SNRPN: variants seen among roughly 807,000 people sequenced by gnomAD.
SNRPN encodes small nuclear ribonucleoprotein polypeptide N, also known as small nuclear ribonucleoprotein-associated protein N.
Under a neutral mutation model 25.2 loss-of-function variants are expected in SNRPN, and 7 were observed. The ratio of observed to expected loss-of-function variants is 0.28; its 90% CI spans 0.16 to 0.52. SNRPN has a LOEUF of 0.52. Among genes scored for constraint, SNRPN ranks in the 20% least tolerant of loss-of-function variants. The pLI, the probability that SNRPN is intolerant of heterozygous loss-of-function variation, is 0.96. For synonymous variants in SNRPN, 124 were observed against 110.6 expected, an observed-to-expected ratio of 1.12 and a Z score of -0.76; for missense variants, 196 against 322.5, an observed-to-expected ratio of 0.61 and a Z score of 3.00.
Position 24,962,207 on chromosome 15 carries a change from A to G in SNRPN, c.-297A>G, listed in dbSNP as rs376718476. ...GAAGGACTGCCTCACTGAGCAACCA[A>G]GAGTGAGTACAGACTGTGTTGGGAA... On this transcript the variant is annotated splice_region_variant and 5_prime_UTR_variant, in exon 2 of 10. Transcript: ENST00000390687. The G allele has an allele frequency of 5.0e-6, 8 of 1,613,054 alleles. No individual in the cohort carries two copies. The African/African-American group carries it at 9.3e-5, about 19-fold the overall frequency.
Position 24,974,345 on chromosome 15 carries a change from G to C in SNRPN, c.-109G>C. On this transcript the variant is annotated 5_prime_UTR_variant, in exon 4 of 10. Coordinates refer to ENST00000390687, the MANE Select transcript of SNRPN (RefSeq NM_003097.6). ...ACTCTTTGAAGCTTCTGCCCAGCTT[G>C]CATTGTTTCTAGGAGAACCTGCGTC... 2.1e-6 allele frequency: 2 copies of C among 974,538 alleles called. No homozygotes were observed. Among genetic ancestry groups the C allele is most frequent in the Non-Finnish European group, 3.3e-6 (2 of 598,328 alleles). 60.4% of individuals were successfully genotyped at this position (974,538 alleles called of 1,614,324 possible). A position where few individuals can be genotyped will look rare whatever the true frequency, so the allele number is the denominator to read the frequency against.
chr15:24,974,332 T>C lies in SNRPN; in HGVS notation c.-122T>C. 1.1e-6 allele frequency: 1 copy of C among 873,526 alleles called. No homozygotes were observed. The highest frequency in any genetic ancestry group is 2.0e-6 in the Non-Finnish European group (1 of 509,812). 54.1% of individuals were successfully genotyped at this position (873,526 alleles called of 1,614,324 possible). ...GCAGGCTCCATCTACTCTTTGAAGC[T>C]TCTGCCCAGCTTGCATTGTTTCTAG... On this transcript the variant is annotated 5_prime_UTR_variant, in exon 4 of 10. Coordinates refer to ENST00000390687, the MANE Select transcript of SNRPN (RefSeq NM_003097.6).
intron 2 of SNRPN, among the ~76,000 whole-genome samples, chr15:24,833,879 T>C (rs1373549127): frequency 6.6e-6 from 1 of 152,124 alleles, no homozygotes. Context: ...TCTTTCCTGG[T>C]TACTTGATGA....
Position 24,887,129 on chromosome 15 carries a change from C to T in SNRPN, c.-505+540C>T, listed in dbSNP as rs186455219. ...CCGGTCCTATAGAAATATATCCCCA[C>T]GAGCACACACTGAGGTCTTTTTTTT... On this transcript the variant is annotated intron_variant, in intron 2 of 11. Coordinates refer to the SNRPN transcript ENST00000400097. 3.8e-4 allele frequency among the ~76,000 whole-genome samples: 57 copies of T among 151,432 alleles called. No individual in the cohort carries two copies. The East Asian group carries it at 4.9e-3, about 13-fold the overall frequency.
chr15:24,861,640 T>G (rs2053991671), intron 1 of SNRPN, among the ~76,000 whole-genome samples: 1 of 152,200 alleles, frequency 6.6e-6, no homozygotes, highest in Admixed American at 6.5e-5. Flanking sequence ...CTTTGACATC[T>G]CTAGGTGATA....
rs139771024 is a variant in SNRPN at position 24,863,443 on chromosome 15, A to G, written c.-579+6727A>G. On this transcript the variant is annotated intron_variant, in intron 1 of 11. Transcript: ENST00000400097. ...TGCAGCCTTGTAGGCCACTGTCTCC[A>G]TGGACATACAGATTTGCACGCATCT... Among the ~76,000 whole-genome samples, 1,189 of 147,982 alleles carry G rather than the reference A, an allele frequency of 8.0e-3. 17 individuals carry two copies. Among genetic ancestry groups the G allele is most frequent in the Middle Eastern group, 0.018 (5 of 274 alleles).
intron 3 of SNRPN, among the ~76,000 whole-genome samples, chr15:24,928,185 A>G (rs2152785412): frequency 6.6e-6 from 1 of 152,280 alleles, no homozygotes; most frequent in South Asian, 2.1e-4. Flanking sequence ...TCCTCAAAAA[A>G]CTACAAATGG....
chr15:24,916,924 A>T (rs2059563685), intron 2 of SNRPN, among the ~76,000 whole-genome samples: 1 of 152,226 alleles, frequency 6.6e-6, no homozygotes, highest in Non-Finnish European at 1.5e-5. Flanking sequence ...TCCACAGCAT[A>T]GAAGCAGACT....
At chr15:24,884,664 T>C (rs901023909) in intron 1 of SNRPN, among the ~76,000 whole-genome samples, 1 of 152,224 alleles carries the variant, frequency 6.6e-6, no homozygotes, top group Non-Finnish European at 1.5e-5. Context: ...TAGTATTTCA[T>C]ATGGATAGGC....
At position 24,922,890 on chromosome 15, in the gene SNRPN, C is replaced by CTTTTTTTTTTTTTT. The variant is rs71412618; in HGVS notation, c.-391+2779_-391+2792dup. ...ATATCTATGCCACAGTAGGCAGATCCTTTTTTTTTTTTTTTTTTTTTTTTT... is the reference window on the plus strand; with the variant it reads ...ATATCTATGCCACAGTAGGCAGATCCTTTTTTTTTTTTTTTTTTTTTTTTTTTTTTTTTTTTTTT... On this transcript the variant is annotated intron_variant, in intron 3 of 11. Coordinates refer to the SNRPN transcript ENST00000400097. 1.8e-4 allele frequency among the ~76,000 whole-genome samples: 12 copies of CTTTTTTTTTTTTTT among 68,180 alleles called. 4 individuals carry two copies. Among genetic ancestry groups the CTTTTTTTTTTTTTT allele is most frequent in the Non-Finnish European group, 2.0e-4 (8 of 40,310 alleles). The allele number at this position is 68,180 out of a possible 152,430, so 44.7% of individuals were successfully genotyped here.
At chr15:24,948,230 C>T (rs1169772228) in intron 3 of SNRPN, among the ~76,000 whole-genome samples, 1 of 152,162 alleles carries the variant, frequency 6.6e-6, no homozygotes, top group Non-Finnish European at 1.5e-5. Flanking sequence ...TCTCCTGCCT[C>T]AGCCTCCTGA....
rs915899888 is a variant in SNRPN at position 24,866,289 on chromosome 15, A to T, written c.-579+9573A>T. Among the ~76,000 whole-genome samples, 4 of 152,258 alleles carry T rather than the reference A, an allele frequency of 2.6e-5. No homozygotes were observed. In the East Asian group the frequency reaches 7.7e-4, roughly 29 times the overall value. On this transcript the variant is annotated intron_variant, in intron 1 of 11. Coordinates refer to the SNRPN transcript ENST00000400097. Reference sequence around the variant, plus strand: ...AGATGTATGTACTATGTATAACATGAGGTTTGAATAATAATGTGCATTGTG... The same window carrying T: ...AGATGTATGTACTATGTATAACATGTGGTTTGAATAATAATGTGCATTGTG...
intron 3 of SNRPN, among the ~76,000 whole-genome samples, chr15:24,945,314 T>TCCTCTCCCCCTTTCCC (rs2061807276): frequency 9.2e-6 from 1 of 108,702 alleles, no homozygotes; most frequent in Non-Finnish European, 1.8e-5. Flanking sequence ...CCTCCTTTCC[T>TCCTCTCCCCCTTTCCC]CCTCTCCCCC....
At chr15:24,849,024 C>T (rs1482169268) in intron 2 of SNRPN, 2 of 152,210 alleles carry the variant, frequency 1.3e-5, no homozygotes, top group African/African-American at 2.4e-5. Context: ...CTGCCGCCGA[C>T]TCCCTGGTTC....
chr15:24,922,623 C>T (rs908466813), intron 3 of SNRPN, among the ~76,000 whole-genome samples: 1 of 152,150 alleles, frequency 6.6e-6, no homozygotes, highest in Non-Finnish European at 1.5e-5. Context: ...TACAGGAATA[C>T]ATCTTACGTA....
chr15:24,885,803 G>A (rs2057155448), intron 1 of SNRPN, among the ~76,000 whole-genome samples: 1 of 151,546 alleles, frequency 6.6e-6, no homozygotes, highest in Non-Finnish European at 1.5e-5. Flanking sequence ...CCCACGTGTT[G>A]CATGGCCATA....
At chr15:24,952,730 T>A (rs907010617), upstream of SNRPN, among the ~76,000 whole-genome samples, 2 of 152,168 alleles carry the variant, frequency 1.3e-5, no homozygotes, top group Non-Finnish European at 2.9e-5. Flanking sequence ...TGAATATAAT[T>A]TTATTTAATT....
chr15:24,947,067 A>G (rs1218417330), intron 3 of SNRPN, among the ~76,000 whole-genome samples: 1 of 152,142 alleles, frequency 6.6e-6, no homozygotes, highest in Non-Finnish European at 1.5e-5. Flanking sequence ...TATTTTGTTT[A>G]TGTTCCATAA....
At chr15:24,873,802 A>G (rs927624520) in intron 1 of SNRPN, among the ~76,000 whole-genome samples, 6 of 151,896 alleles carry the variant, frequency 4.0e-5, no homozygotes, top group African/African-American at 1.5e-4. Flanking sequence ...TCTCATTCCT[A>G]CCTTCAATGA....
Sources: allele counts gnomAD v4.1 joint callset (sites outside exome capture counted in the v4.1 genomes callset), GRCh38; gene constraint gnomAD v4.1.1; transcripts MANE v1.5; gene names NCBI Gene and HGNC (gene_info 2026-07-23, HGNC 2026-07-21).